Variants in CEP135 observed in about 807,000 individuals in gnomAD.
CEP135 encodes the protein centrosomal protein of 135 kDa.
CEP135 carries 142 observed loss-of-function variants against 157.3 expected under a neutral mutation model. The observed-to-expected ratio is 0.90, with a 90% CI of 0.79 to 1.04. The LOEUF (loss-of-function observed/expected upper bound fraction) is 1.04, where lower values mean the gene tolerates loss of function less well. Ranked by LOEUF, CEP135 falls within the 50% of genes least tolerant of loss-of-function variation. The pLI, the probability that CEP135 is intolerant of heterozygous loss-of-function variation, is 0.00. For missense variants in CEP135, 1,317 were observed against 1,309.2 expected (o/e 1.01, Z -0.09); for synonymous variants, 396 against 439.8 (o/e 0.90, Z 1.25).
chr4:55,976,137 C>T (rs1286070360), intron 11 of CEP135, among the ~76,000 whole-genome samples: 1 of 151,686 alleles, frequency 6.6e-6, no homozygotes, highest in African/African-American at 2.4e-5. Flanking sequence ...ACCTCTCGTA[C>T]CACCTACTAG....
intron 25 of CEP135, among the ~76,000 whole-genome samples, chr4:56,029,452 C>T (rs1237042325): frequency 1.3e-5 from 2 of 152,092 alleles, no homozygotes; most frequent in East Asian, 3.9e-4. Context: ...CATTAGCTTG[C>T]AAAAGACAAA....
chr4:55,993,185 A>T lies in CEP135; in HGVS notation c.2009+1100A>T, dbSNP rs1159010630. On this transcript the variant is annotated intron_variant, in intron 15 of 25. Coordinates refer to ENST00000257287, the MANE Select transcript of CEP135 (RefSeq NM_025009.5). ...TTGGTGAAATAGAAAAAACAAACTG[A>T]TGAAAGTCACCCAGAACTCCAAAGA... 2.0e-5 allele frequency among the ~76,000 whole-genome samples: 3 copies of T among 152,366 alleles called. No homozygotes were observed. The East Asian group carries it at 5.8e-4, about 29-fold the overall frequency.
intron 13 of CEP135, among the ~76,000 whole-genome samples, chr4:55,984,921 T>C (rs937005748): frequency 6.6e-6 from 1 of 152,202 alleles, no homozygotes; most frequent in African/African-American, 2.4e-5. Flanking sequence ...CTCTTACATC[T>C]CCTCTTATGA....
intron 17 of CEP135, among the ~76,000 whole-genome samples, chr4:56,007,365 TG>T (rs1730390994): frequency 6.6e-6 from 1 of 152,194 alleles, no homozygotes. Flanking sequence ...CCATCTGGGA[TG>T]GGGGAGGTCC....
chr4:56,024,530 A>G lies in CEP135; in HGVS notation c.3350A>G (p.His1117Arg), dbSNP rs1212822049. 1 of 1,613,908 alleles carries G rather than the reference A, an allele frequency of 6.2e-7. No individual in the cohort carries two copies. Among genetic ancestry groups the G allele is most frequent in the Admixed American group, 1.7e-5 (1 of 60,004 alleles). The change falls in exon 25 of 26, where the codon CAT (histidine) becomes CGT (arginine). Residue 1117 changes from histidine (H) to arginine (R), a missense_variant. His to Arg is a conservative substitution (Grantham distance 29). Transcript: ENST00000257287. Reference sequence around the variant, plus strand: ...CGAGCAATCCAAGAGATGCGTCGACATGGTCTTGCTACACCACCCCTTAGT... The same window carrying G: ...CGAGCAATCCAAGAGATGCGTCGACGTGGTCTTGCTACACCACCCCTTAGT... ...RERAIQEMRR[H>R]GLATPPLSST... is the part of the protein sequence containing the mutation.
intron 14 of CEP135, among the ~76,000 whole-genome samples, chr4:55,985,683 C>T (rs1729557503): frequency 6.6e-6 from 1 of 152,158 alleles, no homozygotes; most frequent in African/African-American, 2.4e-5. Flanking sequence ...GTCTCAAACT[C>T]CTGACCTGAC....
intron 14 of CEP135, among the ~76,000 whole-genome samples, chr4:55,991,310 GTTTT>G (rs964912719): frequency 5.1e-5 from 7 of 136,734 alleles, no homozygotes; most frequent in Non-Finnish European, 8.0e-5. Flanking sequence ...AATTTTTCCT[GTTTT>G]TTTCTTTTTT....
chr4:55,949,634 T>C (rs764156613), intron 1 of CEP135, among the ~76,000 whole-genome samples: 1 of 152,200 alleles, frequency 6.6e-6, no homozygotes, highest in Non-Finnish European at 1.5e-5. Flanking sequence ...ACATACAGCA[T>C]TAAATGTACT....
intron 17 of CEP135, among the ~76,000 whole-genome samples, chr4:56,002,771 T>C (rs1236891241): frequency 6.6e-6 from 1 of 152,196 alleles, no homozygotes; most frequent in Non-Finnish European, 1.5e-5. Context: ...TTCCACCCTT[T>C]TCAATTTCCT....
intron 11 of CEP135, among the ~76,000 whole-genome samples, chr4:55,976,391 T>C (rs1729218549): frequency 6.6e-6 from 1 of 152,218 alleles, no homozygotes; most frequent in Non-Finnish European, 1.5e-5. Context: ...ATCATTTTTA[T>C]TGTATAGAGG....
At chr4:56,023,221 C>CAA (rs566037398) in intron 24 of CEP135, among the ~76,000 whole-genome samples, 104 of 139,042 alleles carry the variant, frequency 7.5e-4, no homozygotes, top group Non-Finnish European at 1.3e-3. Flanking sequence ...GTCCCTGTCA[C>CAA]AAAAAAAAAA....
chr4:56,029,147 C>T (rs1731252440), intron 25 of CEP135, among the ~76,000 whole-genome samples: 1 of 152,232 alleles, frequency 6.6e-6, no homozygotes, highest in Non-Finnish European at 1.5e-5. Context: ...ATCAGGAAAG[C>T]AGCTCAAAGC....
intron 8 of CEP135, among the ~76,000 whole-genome samples, chr4:55,968,723 T>C (rs1728921826): frequency 1.3e-5 from 2 of 152,104 alleles, no homozygotes; most frequent in South Asian, 2.1e-4. Context: ...AGGATCCAGG[T>C]TGGTAAAAGC....
At position 56,032,574 on chromosome 4, in the gene CEP135, T is replaced by A. The variant is rs534387422; in HGVS notation, c.*1226T>A. 1 of 152,278 alleles carries A rather than the reference T, an allele frequency of 6.6e-6. No homozygotes were observed. The highest frequency in any genetic ancestry group is 1.5e-5 in the Non-Finnish European group (1 of 68,030). The allele number at this position is 152,278 out of a possible 1,614,324, so 9.4% of individuals were successfully genotyped here. ...GTTATAATTTACCAGTTCCCCAAAATGCCATTTTTAACGCCGAACTGTGTA... is the reference window on the plus strand; with the variant it reads ...GTTATAATTTACCAGTTCCCCAAAAAGCCATTTTTAACGCCGAACTGTGTA... On this transcript the variant is annotated 3_prime_UTR_variant, in exon 26 of 26. Transcript: ENST00000257287.
intron 1 of CEP135, among the ~76,000 whole-genome samples, chr4:55,950,055 G>A (rs895104729): frequency 1.3e-5 from 2 of 152,132 alleles, no homozygotes; most frequent in African/African-American, 4.8e-5. Flanking sequence ...TCTGATGTCT[G>A]CAGGAATTTC....
chr4:55,965,130 TAA>T (rs1290917439), intron 7 of CEP135: 1 of 152,368 alleles, frequency 6.6e-6, no homozygotes, highest in Non-Finnish European at 1.5e-5. Context: ...TTTAAAAAAA[TAA>T]AAAGAGGTGA....
In CEP135 at chr4:55,987,565, CAG is replaced by C. The variant is rs538884435; in HGVS notation, c.1857+2208_1857+2209del. ...CTCATCACATTTGTTTCCTGTCTCTCAGGGGTCACCGGTCATCATTGCCTGGT... is the reference window on the plus strand; with the variant it reads ...CTCATCACATTTGTTTCCTGTCTCTCGGGTCACCGGTCATCATTGCCTGGT... On this transcript the variant is annotated intron_variant, in intron 14 of 25. Coordinates refer to ENST00000257287, the MANE Select transcript of CEP135 (RefSeq NM_025009.5). Among the ~76,000 whole-genome samples the C allele has an allele frequency of 2.2e-3, 330 of 152,280 alleles. 2 individuals carry two copies. Among genetic ancestry groups the C allele is most frequent in the African/African-American group, 7.5e-3 (312 of 41,552 alleles).
intron 14 of CEP135, among the ~76,000 whole-genome samples, chr4:55,985,783 C>A (rs913833948): frequency 9.9e-5 from 15 of 152,024 alleles, no homozygotes; most frequent in African/African-American, 3.6e-4. Flanking sequence ...TATACAATTA[C>A]AATTACAATA....
Position 56,020,732 on chromosome 4 carries a change from C to T in CEP135, c.3272C>T (p.Thr1091Ile). 6.2e-7 allele frequency: 1 copy of T among 1,613,692 alleles called. No individual in the cohort carries two copies. The highest frequency in any genetic ancestry group is 1.3e-5 in the African/African-American group (1 of 75,044). Residue 1091 changes from threonine (T) to isoleucine (I), a missense_variant, in exon 24 of 26, where the codon ACA becomes ATA. Coordinates refer to ENST00000257287, the MANE Select transcript of CEP135 (RefSeq NM_025009.5). ...CGAGCTAAAGTGGCACAGTTACAAA[C>T]AGATTATGATGCTCTGAAAAGGCAG... ...MLRAKVAQLQ[T>I]DYDALKRQIS...
Sources: allele counts gnomAD v4.1 joint callset (sites outside exome capture counted in the v4.1 genomes callset), GRCh38; gene constraint gnomAD v4.1.1; transcripts MANE v1.5; gene names NCBI Gene and HGNC (gene_info 2026-07-23, HGNC 2026-07-21).